The following NELL1 variants were observed in gnomAD, a reference collection of about 807,000 sequenced individuals.
NELL1 encodes neural EGFL like 1.
NELL1 carries 76 observed loss-of-function variants against 107.4 expected under a neutral mutation model. That is an observed-to-expected ratio of 0.71 (90% confidence interval 0.59 to 0.86). The LOEUF (loss-of-function observed/expected upper bound fraction) is 0.86, where lower values mean the gene tolerates loss of function less well. NELL1 is among the 40% of genes least tolerant of loss of function. The pLI is 0.00. For synonymous variants in NELL1, 353 were observed against 341.2 expected (o/e 1.03, Z -0.38); for missense variants, 1,024 against 1,005.5 (o/e 1.02, Z -0.25).
chr11:20,914,841 T>C (rs1442800366), intron 5 of NELL1, among the ~76,000 whole-genome samples: 1 of 151,978 alleles, frequency 6.6e-6, no homozygotes, highest in Non-Finnish European at 1.5e-5. Flanking sequence ...CCTAGATAAG[T>C]AGTTCTTATG....
intron 16 of NELL1, among the ~76,000 whole-genome samples, chr11:21,536,722 T>C (rs974181077): frequency 6.6e-6 from 1 of 152,154 alleles, no homozygotes; most frequent in African/African-American, 2.4e-5. Flanking sequence ...ACACTCACTC[T>C]CAGAAAGGTG....
intron 2 of NELL1, among the ~76,000 whole-genome samples, chr11:20,773,971 C>G (rs970963229): frequency 6.6e-6 from 1 of 151,510 alleles, no homozygotes; most frequent in Admixed American, 6.6e-5. Context: ...CTTTTTTTCC[C>G]CTCTCTCTTT....
chr11:20,935,383 G>A (rs1409545498), intron 9 of NELL1, among the ~76,000 whole-genome samples: 1 of 152,196 alleles, frequency 6.6e-6, no homozygotes, highest in Admixed American at 6.5e-5. Flanking sequence ...TGGATGGGGT[G>A]CTCTGCACGT....
intron 14 of NELL1, among the ~76,000 whole-genome samples, chr11:21,315,333 A>G (rs1345141005): frequency 6.6e-6 from 1 of 152,306 alleles, no homozygotes; most frequent in East Asian, 1.9e-4. Context: ...CTATGCTCCT[A>G]GCTACATGAT....
chr11:21,220,856 T>A (rs1857739736), intron 13 of NELL1, among the ~76,000 whole-genome samples: 1 of 152,214 alleles, frequency 6.6e-6, no homozygotes, highest in Non-Finnish European at 1.5e-5. Flanking sequence ...TGGATTCCCT[T>A]TATTTATTTC....
intron 15 of NELL1, among the ~76,000 whole-genome samples, chr11:21,374,749 A>G (rs1198300412): frequency 6.6e-6 from 1 of 151,790 alleles, no homozygotes; most frequent in Non-Finnish European, 1.5e-5. Flanking sequence ...TTCCCTTGAA[A>G]TTTTCTGGTT....
At chr11:20,702,319 T>C (rs1348781031) in intron 2 of NELL1, among the ~76,000 whole-genome samples, 1 of 152,216 alleles carries the variant, frequency 6.6e-6, no homozygotes, top group East Asian at 1.9e-4. Flanking sequence ...TTGTCTGTTA[T>C]TGGTGTATAA....
chr11:21,279,401 G>C (rs1466577070), intron 14 of NELL1, among the ~76,000 whole-genome samples: 1 of 152,132 alleles, frequency 6.6e-6, no homozygotes, highest in Non-Finnish European at 1.5e-5. Context: ...AATATACAAA[G>C]AACTCTTTAA....
intron 2 of NELL1, among the ~76,000 whole-genome samples, chr11:20,702,582 T>C (rs1216708281): frequency 1.3e-5 from 2 of 152,050 alleles, no homozygotes; most frequent in African/African-American, 4.8e-5. Context: ...ATCCCTCTCT[T>C]GTGCCAGTTT....
At chr11:20,922,914 T>A (rs578227931) in intron 7 of NELL1, among the ~76,000 whole-genome samples, 4 of 152,156 alleles carry the variant, frequency 2.6e-5, no homozygotes, top group Non-Finnish European at 5.9e-5. Context: ...GGCACACAAA[T>A]GTCATTCAAT....
chr11:21,258,228 C>T (rs1858818963), intron 14 of NELL1, among the ~76,000 whole-genome samples: 1 of 151,942 alleles, frequency 6.6e-6, no homozygotes, highest in Admixed American at 6.6e-5. Context: ...AAATCTTTTC[C>T]TCCAGTGTCA....
At chr11:20,982,173 C>A (rs778520498) in intron 12 of NELL1, among the ~76,000 whole-genome samples, 1 of 152,144 alleles carries the variant, frequency 6.6e-6, no homozygotes, top group Non-Finnish European at 1.5e-5. Context: ...GAATCTGTAA[C>A]ATAGTGAGTA....
intron 12 of NELL1, among the ~76,000 whole-genome samples, chr11:21,073,177 A>G (rs1277839182): frequency 6.6e-6 from 1 of 152,146 alleles, no homozygotes; most frequent in East Asian, 1.9e-4. Context: ...GAGGCAGATG[A>G]CAAACTTTCA....
rs111761999 is a variant in NELL1, at chr11:21,283,897, C to T, written c.1549+54443C>T. 1,668 of 243,658 alleles carry T rather than the reference C, an allele frequency of 6.8e-3. 8 individuals carry two copies. Among genetic ancestry groups the T allele is most frequent in the Admixed American group, 9.7e-3 (194 of 19,940 alleles). The allele number at this position is 243,658 out of a possible 1,614,324, so 15.1% of individuals were successfully genotyped here. On this transcript the variant is annotated intron_variant, in intron 14 of 19. Coordinates refer to ENST00000357134, the MANE Select transcript of NELL1 (RefSeq NM_006157.5). ...GCTGTGAGATCCCCCTGAGAAGCTT[C>T]TCTTTTTCTCACACAATTCCTCCAT...
chr11:21,010,604 A>G (rs17232925), intron 12 of NELL1, among the ~76,000 whole-genome samples: 10,415 of 152,156 alleles, frequency 0.068, 424 homozygotes, highest in Middle Eastern at 0.13. Context: ...AAGTGGTAAT[A>G]CTCGCTGTCT....
intron 12 of NELL1, among the ~76,000 whole-genome samples, chr11:20,978,434 GA>G (rs35283202): frequency 1.0e-4 from 15 of 150,534 alleles, no homozygotes; most frequent in African/African-American, 3.4e-4. Context: ...TTGTCTTCAT[GA>G]AAAAAAAAGC....
intron 13 of NELL1, among the ~76,000 whole-genome samples, chr11:21,185,727 C>T (rs1365311844): frequency 6.6e-6 from 1 of 151,826 alleles, no homozygotes; most frequent in African/African-American, 2.4e-5. Context: ...GGGTATAAAG[C>T]TCTTAGTGCA....
At chr11:20,937,956 G>T in intron 10 of NELL1, 97 bp downstream of exon 10, 1 of 1,171,386 alleles carries the variant, frequency 8.5e-7, no homozygotes, top group Non-Finnish European at 1.3e-6. Flanking sequence ...TATTGGCCTG[G>T]ATAGGGCCCC....
At chr11:21,102,436 G>A (rs1337020129) in intron 12 of NELL1, among the ~76,000 whole-genome samples, 1 of 152,164 alleles carries the variant, frequency 6.6e-6, no homozygotes, top group Non-Finnish European at 1.5e-5. Flanking sequence ...AGCCAGGTCT[G>A]CCTGGATTTT....
Sources: gnomAD v4.1 joint callset for allele counts (sites outside exome capture counted in the v4.1 genomes callset) on GRCh38, gnomAD v4.1.1 for gene constraint, MANE v1.5 for transcripts, NCBI Gene and HGNC (gene_info 2026-07-23, HGNC 2026-07-21) for gene names.